Variants in GBP2 observed in about 807,000 individuals in gnomAD.
GBP2 encodes the protein guanylate binding protein 2.
A neutral mutation model predicts 60.8 loss-of-function variants in GBP2; 54 were observed. The observed-to-expected ratio is 0.89, with a 90% CI of 0.71 to 1.11. The LOEUF (loss-of-function observed/expected upper bound fraction) is 1.11. Among genes scored for constraint, GBP2 ranks in the 50% most tolerant of loss-of-function variants. The probability of loss-of-function intolerance (pLI) is 0.00; values close to 1 mark genes in which losing one functional copy is unlikely to be tolerated. For synonymous variants in GBP2, 243 were observed against 256.5 expected, an observed-to-expected ratio of 0.95 and a Z score of 0.50; for missense variants, 665 against 703.3, an observed-to-expected ratio of 0.95 and a Z score of 0.62.
intron 1 of GBP2, among the ~76,000 whole-genome samples, chr1:89,125,268 G>A (rs1219675044): frequency 6.6e-6 from 1 of 152,126 alleles, no homozygotes; most frequent in African/African-American, 2.4e-5. Flanking sequence ...TCTGATGAAG[G>A]CTTATATCTA....
At chr1:89,116,965 A>G (rs1296530360) in intron 6 of GBP2, 27 bp downstream of exon 6, 1 of 1,611,874 alleles carries the variant, frequency 6.2e-7, no homozygotes, top group South Asian at 1.1e-5. Flanking sequence ...AAGTCCAGGT[A>G]GGAAGTGGGT....
intron 10 of GBP2, 76 bp downstream of exon 10, chr1:89,109,593 TGGGAGGCA>T: frequency 8.1e-7 from 1 of 1,236,298 alleles, no homozygotes; most frequent in Non-Finnish European, 1.1e-6. Context: ...AAAGTTTTTT[TGGGAGGCA>T]TTAGGTTCTC....
At chr1:89,118,358 G>T (rs1458886368) in intron 4 of GBP2, 1 of 152,212 alleles carries the variant, frequency 6.6e-6, no homozygotes, top group African/African-American at 2.4e-5. Flanking sequence ...ACCCTTCAAG[G>T]CCCTTAGATA....
intron 8 of GBP2, among the ~76,000 whole-genome samples, chr1:89,110,501 C>T (rs920022722): frequency 2.6e-5 from 4 of 151,690 alleles, no homozygotes; most frequent in East Asian, 3.9e-4. Context: ...CATATAATAC[C>T]CCCCCACACA....
At chr1:89,117,270 A>G (rs762071363) in intron 5 of GBP2, 36 bp from the exon 6 acceptor site, 1 of 1,524,042 alleles carries the variant, frequency 6.6e-7, no homozygotes, top group Non-Finnish European at 9.1e-7. Context: ...TAAAACTTCA[A>G]ATTAATTACT....
chr1:89,114,314 T>TA lies in GBP2; in HGVS notation c.869-19dup. ...CTCTAGACCTGCAAAAGGGAATTTT[T>TA]AAAAAAATGTGACTATCAGTTGGTG... On this transcript the variant is annotated intron_variant, in intron 6 of 10. Transcript: ENST00000370466. The TA allele has an allele frequency of 6.2e-7, 1 of 1,605,030 alleles. No individual in the cohort carries two copies. The highest frequency in any genetic ancestry group is 1.1e-5 in the South Asian group (1 of 90,642).
chr1:89,122,053 A>T (rs1488971894), intron 1 of GBP2, 70 bp from the exon 2 acceptor site: 2 of 1,158,522 alleles, frequency 1.7e-6, no homozygotes, highest in Non-Finnish European at 2.3e-6. Context: ...ACTTTACAAT[A>T]TGGGTTAAAT....
chr1:89,123,303 A>G (rs1681447241), intron 1 of GBP2, among the ~76,000 whole-genome samples: 1 of 152,220 alleles, frequency 6.6e-6, no homozygotes, highest in Non-Finnish European at 1.5e-5. Flanking sequence ...TCTCAGGTGG[A>G]AAGTTAAGAA....
chr1:89,121,580 C>A (rs542612514), intron 2 of GBP2, among the ~76,000 whole-genome samples, 197 bp downstream of exon 2: 1 of 151,864 alleles, frequency 6.6e-6, no homozygotes, highest in African/African-American at 2.4e-5. Flanking sequence ...ACATTTATAC[C>A]CTTAGTATAA....
In GBP2 at chr1:89,106,247, A is replaced by C. The variant is rs1681050528; in HGVS notation, c.*1928T>G. On this transcript the variant is annotated 3_prime_UTR_variant, in exon 11 of 11. Coordinates refer to ENST00000370466, the MANE Select transcript of GBP2 (RefSeq NM_004120.5). ...ATTAAGTAAAAGGGGAATTGTAAGAAAGAATAAAGTTGCTTTTTGCTTTCA... is the reference window on the plus strand; with the variant it reads ...ATTAAGTAAAAGGGGAATTGTAAGACAGAATAAAGTTGCTTTTTGCTTTCA... The C allele has an allele frequency of 6.6e-6, 1 of 152,256 alleles. No homozygotes were observed. The highest frequency in any genetic ancestry group is 1.5e-5 in the Non-Finnish European group (1 of 68,052). 9.4% of individuals were successfully genotyped at this position (152,256 alleles called of 1,614,324 possible).
chr1:89,122,943 T>C (rs928022656), intron 1 of GBP2, among the ~76,000 whole-genome samples: 28 of 152,232 alleles, frequency 1.8e-4, no homozygotes, highest in African/African-American at 6.8e-4. Flanking sequence ...TTATTTTATT[T>C]ACTTATTTAA....
chr1:89,113,117 C>T, intron 7 of GBP2: 1 of 185,740 alleles, frequency 5.4e-6, no homozygotes, highest in South Asian at 1.2e-4. Context: ...GGAACAATAC[C>T]TATCTCACAG....
chr1:89,108,899 C>CTTTCTTT (rs111673250), intron 10 of GBP2, among the ~76,000 whole-genome samples: 1 of 146,992 alleles, frequency 6.8e-6, no homozygotes, highest in Admixed American at 6.7e-5. Flanking sequence ...GGGAATCTTT[C>CTTTCTTT]TTTTTTTTTT....
chr1:89,112,062 C>T (rs575104831), intron 8 of GBP2, among the ~76,000 whole-genome samples: 13 of 152,252 alleles, frequency 8.5e-5, no homozygotes, highest in Admixed American at 5.9e-4. Flanking sequence ...TCCTGGAACA[C>T]AGTAAGTGCA....
chr1:89,124,060 T>C (rs72961427), intron 1 of GBP2, among the ~76,000 whole-genome samples: 3,090 of 152,348 alleles, frequency 0.02, 114 homozygotes, highest in African/African-American at 0.07. Context: ...CGTAGGAAGA[T>C]TTCTCAATTC....
chr1:89,112,436 C>T (rs555494213), intron 8 of GBP2, 36 bp downstream of exon 8: 6 of 1,576,642 alleles, frequency 3.8e-6, no homozygotes, highest in East Asian at 2.2e-5. Flanking sequence ...ATCCCCTCAG[C>T]GAGTCCCAAG....
In GBP2 at chr1:89,108,225, C is replaced by CCCATAT; in HGVS notation, c.1720_1725dup (p.Ile574_Trp575dup). 6.2e-7 allele frequency: 1 copy of CCCATAT among 1,613,468 alleles called. No homozygotes were observed. The highest frequency in any genetic ancestry group is 8.5e-7 in the Non-Finnish European group (1 of 1,179,692). ...AATGATTTGCTTCTCATCTGGATATCCCATATGTCTTTTTGAAGTCTCTTG... is the reference window on the plus strand; with the variant it reads ...AATGATTTGCTTCTCATCTGGATATCCCATATCCATATGTCTTTTTGAAGTCTCTTG... On this transcript the variant is annotated inframe_insertion, in exon 11 of 11. Transcript: ENST00000370466.
At position 89,121,269 on chromosome 1, in the gene GBP2, G is replaced by T; in HGVS notation, c.192C>A (p.Gly64=). 6.2e-7 allele frequency: 1 copy of T among 1,601,028 alleles called. No individual in the cohort carries two copies. Among genetic ancestry groups the T allele is most frequent in the Non-Finnish European group, 8.5e-7 (1 of 1,173,806 alleles). The part of the protein sequence containing the change: ...LMNKLAGKKN[G]FSLGSTVKSH... ...ACTTCACTGTGGAGCCTAGAGAGAA[G>T]CCTGTAGAAGGAGAGGATAAAAGGG... The change falls in exon 3 of 11, where the codon GGC becomes GGA. Residue 64 remains glycine (G), a splice_region_variant and synonymous_variant. Coordinates refer to ENST00000370466, the MANE Select transcript of GBP2 (RefSeq NM_004120.5).
At chr1:89,118,183 A>G (rs556079788) in intron 4 of GBP2, 2 of 155,500 alleles carry the variant, frequency 1.3e-5, no homozygotes, top group African/African-American at 4.8e-5. Context: ...AAATCTACCA[A>G]TAAGGAAAGC....
Sources: allele counts gnomAD v4.1 joint callset (sites outside exome capture counted in the v4.1 genomes callset), GRCh38; gene constraint gnomAD v4.1.1; transcripts MANE v1.5; gene names NCBI Gene and HGNC (gene_info 2026-07-23, HGNC 2026-07-21).